The following WDTC1 variants were observed in gnomAD, a reference collection of about 807,000 sequenced individuals.
WDTC1 encodes WD and tetratricopeptide repeats protein 1.
A neutral mutation model predicts 76.0 loss-of-function variants in WDTC1; 12 were observed. The observed-to-expected ratio is 0.16, with a 90% confidence interval of 0.10 to 0.26. The LOEUF is 0.26. WDTC1 is among the 10% of genes least tolerant of loss of function. WDTC1 has a pLI of 1.00. For missense variants in WDTC1, 511 were observed against 908.8 expected (o/e 0.56, Z 5.63); for synonymous variants, 326 against 350.8 (o/e 0.93, Z 0.79).
intron 1 of WDTC1, among the ~76,000 whole-genome samples, chr1:27,251,269 T>G (rs981115612): frequency 1.3e-5 from 2 of 151,780 alleles, no homozygotes; most frequent in African/African-American, 4.8e-5. Context: ...TATTCTAAGT[T>G]AAAAGTTTAT....
rs763595861 is a variant in WDTC1, at chr1:27,294,560, G to T, written c.804G>T (p.Val268=). 8.7e-6 allele frequency: 14 copies of T among 1,614,184 alleles called. No individual in the cohort carries two copies. In the South Asian group the frequency reaches 1.4e-4, roughly 16 times the overall value. Residue 268 remains valine, a synonymous_variant, in exon 9 of 16, where the codon GTG becomes GTT. Transcript: ENST00000319394. ...CTGACTACAACAACCGTTTGAGAGT[G>T]CTGGTTGCCACCTATGTGACCTTCA... is the stretch of plus-strand genomic sequence containing the variant. ...KLPDYNNRLR[V]LVATYVTFSP...
intron 3 of WDTC1, among the ~76,000 whole-genome samples, chr1:27,265,805 G>T (rs1280829758): frequency 1.3e-5 from 2 of 152,166 alleles, no homozygotes; most frequent in Middle Eastern, 6.8e-3. Flanking sequence ...AAATCAGTCG[G>T]CCATGGTGGT....
At chr1:27,300,548 T>C (rs2013805433) in intron 12 of WDTC1, among the ~76,000 whole-genome samples, 1 of 151,920 alleles carries the variant, frequency 6.6e-6, no homozygotes, top group African/African-American at 2.4e-5. Context: ...CTTCAGGAGG[T>C]TGGAGAAGTG....
At chr1:27,286,638 A>G (rs2013348604) in intron 5 of WDTC1, among the ~76,000 whole-genome samples, 1 of 148,144 alleles carries the variant, frequency 6.8e-6, no homozygotes, top group South Asian at 2.2e-4. Context: ...ATTTTTTTAT[A>G]TTTTTAGTAG....
chr1:27,237,219 C>T (rs939613108), intron 1 of WDTC1, among the ~76,000 whole-genome samples: 8 of 152,128 alleles, frequency 5.3e-5, no homozygotes, highest in African/African-American at 1.2e-4. Flanking sequence ...AAGGGATTCT[C>T]GTACCTCTGC....
intron 1 of WDTC1, among the ~76,000 whole-genome samples, chr1:27,245,103 G>T (rs1293450301): frequency 6.6e-6 from 1 of 151,630 alleles, no homozygotes; most frequent in East Asian, 1.9e-4. Context: ...CCAGTCCAGT[G>T]CTTCTTCCTC....
chr1:27,247,286 A>G (rs1430994046), intron 1 of WDTC1, among the ~76,000 whole-genome samples: 1 of 151,806 alleles, frequency 6.6e-6, no homozygotes, highest in African/African-American at 2.4e-5. Context: ...TGAACTTCTG[A>G]CCTTAAGTGA....
Position 27,303,799 on chromosome 1 carries a change from C to T in WDTC1, c.1643+4C>T, listed in dbSNP as rs376901746. 5.7e-5 allele frequency: 92 copies of T among 1,613,850 alleles called. No individual in the cohort carries two copies. Among genetic ancestry groups the T allele is most frequent in the East Asian group, 5.3e-4 (24 of 44,890 alleles). On this transcript the variant is annotated splice_donor_region_variant and intron_variant, in intron 14 of 15. Coordinates refer to ENST00000319394, the MANE Select transcript of WDTC1 (RefSeq NM_001276252.2). This position sits in a 1 kb window ranked among gnomAD's most constrained non-coding sequence, Gnocchi z 4.8. ...AAGAGGCCAATTTCTTTGGCAGGTC[C>T]GAGGCCCTGAAGAGGAGGGTGCAGC...
chr1:27,298,040 G>A lies in WDTC1; in HGVS notation c.1161G>A (p.Lys387=). The change falls in exon 12 of 16, where the codon AAG becomes AAA. Residue 387 remains lysine, a synonymous_variant. Coordinates refer to ENST00000319394, the MANE Select transcript of WDTC1 (RefSeq NM_001276252.2). The stretch of plus-strand genomic sequence containing the variant: ...CCCAAGCCATTCAGCTTTACAGCAA[G>A]GCTGTGCAGAGGGCCCCTCACAATG... ...QWTQAIQLYS[K]AVQRAPHNAM... The A allele has an allele frequency of 2.5e-6, 4 of 1,614,100 alleles. No homozygotes were observed. The highest frequency in any genetic ancestry group is 2.5e-6 in the Non-Finnish European group (3 of 1,179,962).
At chr1:27,248,148 A>G (rs2011914621) in intron 1 of WDTC1, among the ~76,000 whole-genome samples, 1 of 152,218 alleles carries the variant, frequency 6.6e-6, no homozygotes, top group Admixed American at 6.6e-5. Context: ...AACTATTTAT[A>G]TTCCTTTGGG....
chr1:27,281,130 GAA>G (rs1183142575), intron 3 of WDTC1, among the ~76,000 whole-genome samples: 40 of 152,114 alleles, frequency 2.6e-4, no homozygotes, highest in Non-Finnish European at 2.9e-5. Context: ...CCCAGCATCT[GAA>G]CAGTACCTGG....
chr1:27,282,322 A>T (rs1196056042), intron 4 of WDTC1, 37 bp downstream of exon 4: 5 of 1,603,278 alleles, frequency 3.1e-6, no homozygotes, highest in African/African-American at 1.3e-5. Context: ...GGTGCTGGGG[A>T]AGGAAGTAAG....
intron 3 of WDTC1, among the ~76,000 whole-genome samples, chr1:27,272,509 A>T (rs1023076213): frequency 1.3e-5 from 2 of 152,236 alleles, no homozygotes; most frequent in Non-Finnish European, 2.9e-5. Flanking sequence ...TGCTGTAGCA[A>T]TTCCATAACT....
chr1:27,292,109 T>A (rs2013550554), intron 6 of WDTC1, 106 bp from the exon 7 acceptor site: 1 of 1,226,582 alleles, frequency 8.2e-7, no homozygotes, highest in African/African-American at 1.5e-5. Context: ...TAGAAACAGG[T>A]CCAAAGTCCC....
chr1:27,296,792 C>CCCCAGCCCCAGCCCTAGT (rs2013702115), intron 10 of WDTC1, among the ~76,000 whole-genome samples: 1 of 146,098 alleles, frequency 6.8e-6, no homozygotes, highest in Non-Finnish European at 1.5e-5. Flanking sequence ...CCAACCCTAG[C>CCCCAGCCCCAGCCCTAGT]CCCAGCCCCA....
intron 1 of WDTC1, among the ~76,000 whole-genome samples, chr1:27,244,034 T>G (rs2011724208): frequency 6.6e-6 from 1 of 150,934 alleles, no homozygotes; most frequent in Non-Finnish European, 1.5e-5. Flanking sequence ...TCCCAACTAC[T>G]CGGGAGGCTG....
intron 2 of WDTC1, among the ~76,000 whole-genome samples, chr1:27,262,792 T>C (rs901867345): frequency 6.6e-6 from 1 of 152,174 alleles, no homozygotes; most frequent in Non-Finnish European, 1.5e-5. Flanking sequence ...AGGCATGGAA[T>C]CAGCAGGGGT....
Position 27,288,220 on chromosome 1 carries a change from T to C in WDTC1, c.479+359T>C, listed in dbSNP as rs768355333. On this transcript the variant is annotated intron_variant, in intron 6 of 15. Transcript: ENST00000319394. ...CTTATCCTAAGGAGATCAGCTTCAG[T>C]TACCTCTTCAGAAGCACCTTCTCTG... 3.7e-4 allele frequency among the ~76,000 whole-genome samples: 57 copies of C among 152,190 alleles called. 2 individuals are homozygous for C. The highest frequency in any genetic ancestry group is 1.9e-3 in the Admixed American group (29 of 15,272).
intron 1 of WDTC1, among the ~76,000 whole-genome samples, chr1:27,244,988 C>T (rs1236605560): frequency 2.0e-5 from 3 of 151,846 alleles, no homozygotes; most frequent in African/African-American, 7.3e-5. Flanking sequence ...GTCCACCTCT[C>T]ATTTTACAAA....
Sources: allele counts gnomAD v4.1 joint callset (sites outside exome capture counted in the v4.1 genomes callset), GRCh38; gene constraint gnomAD v4.1.1; non-coding constraint Gnocchi (gnomAD v3.1); transcripts MANE v1.5; gene names NCBI Gene and HGNC (gene_info 2026-07-23, HGNC 2026-07-21).